LMBRD2: variants seen among roughly 807,000 people sequenced by gnomAD.
The protein encoded by LMBRD2 is G protein-coupled receptor-associated protein LMBRD2.
A neutral mutation model predicts 94.4 loss-of-function variants in LMBRD2; 55 were observed. That is an observed-to-expected ratio of 0.58 (90% CI 0.47 to 0.73). LMBRD2 has a LOEUF of 0.73. Among genes scored for constraint, LMBRD2 ranks in the 30% least tolerant of loss-of-function variants. LMBRD2 has a pLI of 0.00. For synonymous variants in LMBRD2, 246 were observed against 272.4 expected, an observed-to-expected ratio of 0.90 and a Z score of 0.95; for missense variants, 640 against 831.9, an observed-to-expected ratio of 0.77 and a Z score of 2.84.
intron 1 of LMBRD2, among the ~76,000 whole-genome samples, chr5:36,145,671 A>G (rs1020843770): frequency 6.6e-6 from 1 of 152,232 alleles, no homozygotes; most frequent in African/African-American, 2.4e-5. Flanking sequence ...AACATAATTA[A>G]CTGAAAATCC....
chr5:36,137,555 T>A, intron 4 of LMBRD2, 114 bp from the exon 5 acceptor site: 1 of 566,894 alleles, frequency 1.8e-6, no homozygotes, highest in Non-Finnish European at 3.0e-6. Flanking sequence ...TTCTCATTAA[T>A]AAATGTTTAT....
At chr5:36,130,052 G>A (rs1352625176) in intron 6 of LMBRD2, among the ~76,000 whole-genome samples, 12 of 152,194 alleles carry the variant, frequency 7.9e-5, no homozygotes, top group East Asian at 7.7e-4. Flanking sequence ...TGGCGGGAGC[G>A]GGGAGGGATA....
intron 6 of LMBRD2, among the ~76,000 whole-genome samples, chr5:36,128,197 T>C (rs576506342): frequency 6.6e-6 from 1 of 152,340 alleles, no homozygotes; most frequent in South Asian, 2.1e-4. Flanking sequence ...CACAGCATTA[T>C]AGGGCTTGGG....
At chr5:36,111,366 T>C (rs191312386) in intron 13 of LMBRD2, 108 bp from the exon 14 acceptor site, 2 of 760,770 alleles carry the variant, frequency 2.6e-6, no homozygotes, top group East Asian at 2.7e-5. Context: ...TGCTTCATTA[T>C]CTGTTATCAT....
rs955604206 is a variant in LMBRD2 at position 36,099,105 on chromosome 5, A to G, written c.*4941T>C. On this transcript the variant is annotated 3_prime_UTR_variant, in exon 18 of 18. Transcript: ENST00000296603. ...ATTTGCTTGTGTATTGGTATATATA[A>G]AAATCACTGACGGGATCTAGGAGTA... is the stretch of plus-strand genomic sequence containing the variant. 3.9e-5 allele frequency: 6 copies of G among 152,096 alleles called. No homozygotes were observed. Among genetic ancestry groups the G allele is most frequent in the African/African-American group, 1.4e-4 (6 of 41,450 alleles). The allele number at this position is 152,096 out of a possible 1,614,324, so 9.4% of individuals were successfully genotyped here.
chr5:36,100,597 T>TA lies in LMBRD2; in HGVS notation c.*3448dup, dbSNP rs960953979. The TA allele has an allele frequency of 5.9e-5, 9 of 152,080 alleles. No homozygotes were observed. Among genetic ancestry groups the TA allele is most frequent in the Non-Finnish European group, 1.0e-4 (7 of 67,986 alleles). 9.4% of individuals were successfully genotyped at this position (152,080 alleles called of 1,614,324 possible). On this transcript the variant is annotated 3_prime_UTR_variant, in exon 18 of 18. Transcript: ENST00000296603. ...AGAAAGACAAAACCCTAAATCCACT[T>TA]ACTTCTTAACATTTAGAATTCAATA...
At chr5:36,119,936 A>G (rs948891866) in intron 9 of LMBRD2, among the ~76,000 whole-genome samples, 2 of 152,160 alleles carry the variant, frequency 1.3e-5, no homozygotes, top group Non-Finnish European at 2.9e-5. Flanking sequence ...TCTACTAGTC[A>G]TGAACATTGT....
chr5:36,125,386 C>A (rs1007265011), intron 6 of LMBRD2, among the ~76,000 whole-genome samples: 10 of 151,970 alleles, frequency 6.6e-5, no homozygotes, highest in Admixed American at 1.3e-4. Flanking sequence ...AGCACATAGA[C>A]AAAATTGCGA....
rs1384123898 is a variant in LMBRD2 at position 36,143,332 on chromosome 5, C to T, written c.18G>A (p.Leu6=). 1 of 1,613,190 alleles carries T rather than the reference C, an allele frequency of 6.2e-7. No individual in the cohort carries two copies. Among genetic ancestry groups the T allele is most frequent in the South Asian group, 1.1e-5 (1 of 90,998 alleles). MSGAA[L]GLEIVFVFFL... is the part of the protein sequence containing the mutation. ...AAAAGACAAAAACAATCTCAAGTCC[C>T]AAAGCTGCACCACTCATTATTGAAT... is the stretch of plus-strand genomic sequence containing the variant. The change falls in exon 2 of 18, where the codon TTG becomes TTA. Residue 6 remains leucine (L), a synonymous_variant. Coordinates refer to ENST00000296603, the MANE Select transcript of LMBRD2 (RefSeq NM_001007527.2).
At chr5:36,142,021 T>C (rs1336284717) in intron 3 of LMBRD2, among the ~76,000 whole-genome samples, 1 of 152,216 alleles carries the variant, frequency 6.6e-6, no homozygotes, top group African/African-American at 2.4e-5. Context: ...ATGAATTCAA[T>C]ATAATCTTTG....
At position 36,137,393 on chromosome 5, in the gene LMBRD2, G is replaced by A. The variant is rs1744297180; in HGVS notation, c.417C>T (p.Ser139=). The A allele has an allele frequency of 6.3e-7, 1 of 1,598,580 alleles. No individual in the cohort carries two copies. The highest frequency in any genetic ancestry group is 2.2e-5 in the East Asian group (1 of 44,680). Residue 139 remains serine, a synonymous_variant, in exon 5 of 18, where the codon TCC becomes TCT. Coordinates refer to ENST00000296603, the MANE Select transcript of LMBRD2 (RefSeq NM_001007527.2). ...MQSYARSGGF[S]ITGKIKTALI... ...GTGCAGTTTTGATCTTTCCAGTGATGGAAAACCCTCCTGATCTTGCATATG... is the reference window on the plus strand; with the variant it reads ...GTGCAGTTTTGATCTTTCCAGTGATAGAAAACCCTCCTGATCTTGCATATG...
chr5:36,147,822 A>T, intron 1 of LMBRD2: 1 of 390,338 alleles, frequency 2.6e-6, no homozygotes, highest in East Asian at 1.1e-4. Context: ...ATGGGTACCA[A>T]GTGATCAGAA....
At chr5:36,104,918 AT>A (rs1217056349) in intron 17 of LMBRD2, 149 bp downstream of exon 17, 4 of 701,236 alleles carry the variant, frequency 5.7e-6, no homozygotes, top group Non-Finnish European at 6.8e-6. Flanking sequence ...TACTTAATAT[AT>A]TTTTTATTGT....
intron 14 of LMBRD2, 115 bp downstream of exon 14, chr5:36,111,040 A>T: frequency 6.1e-6 from 4 of 654,436 alleles, no homozygotes; most frequent in Non-Finnish European, 1.0e-5. Flanking sequence ...GCATTAATTC[A>T]TAATTTCTTA....
chr5:36,126,779 A>C (rs2111881655), intron 6 of LMBRD2, among the ~76,000 whole-genome samples: 1 of 152,024 alleles, frequency 6.6e-6, no homozygotes, highest in Non-Finnish European at 1.5e-5. Flanking sequence ...TACATTTGGG[A>C]GATTAAATGG....
chr5:36,137,411 T>C lies in LMBRD2; in HGVS notation c.399A>G (p.Ala133=). ...WILLPFMQSY[A]RSGGFSITGK... The stretch of plus-strand genomic sequence containing the variant: ...CAGTGATGGAAAACCCTCCTGATCT[T>C]GCATATGACTGCATAAAAGGTAAGA... The change falls in exon 5 of 18, where the codon GCA becomes GCG. Residue 133 remains alanine, a synonymous_variant. Coordinates refer to ENST00000296603, the MANE Select transcript of LMBRD2 (RefSeq NM_001007527.2). 1 of 1,582,766 alleles carries C rather than the reference T, an allele frequency of 6.3e-7. No homozygotes were observed. Among genetic ancestry groups the C allele is most frequent in the Non-Finnish European group, 8.6e-7 (1 of 1,160,748 alleles).
chr5:36,114,164 C>T (rs1418099081), intron 13 of LMBRD2, among the ~76,000 whole-genome samples: 2 of 152,124 alleles, frequency 1.3e-5, no homozygotes, highest in Non-Finnish European at 2.9e-5. Flanking sequence ...TTAATCCTAT[C>T]ATTTTTTAGC....
At position 36,141,138 on chromosome 5, in the gene LMBRD2, C is replaced by A; in HGVS notation, c.337G>T (p.Val113Leu). 6.2e-7 allele frequency: 1 copy of A among 1,608,838 alleles called. No individual in the cohort carries two copies. The highest frequency in any genetic ancestry group is 2.2e-5 in the East Asian group (1 of 44,724). ...PDGIMPIFWR[V>L]VYWTSQFLTW... is the part of the protein sequence containing the mutation. ...AAAAATTGTGACGTCCAATACACTA[C>A]CCTCCAGAAAATTGGCATGATTCCA... is the stretch of plus-strand genomic sequence containing the variant. Residue 113 changes from valine (V) to leucine (L), a missense_variant, in exon 4 of 18, where the codon GTA becomes TTA. Physicochemically the swap from Val to Leu is conservative, Grantham distance 32. Around this residue, in one of 2 missense-constraint regions of LMBRD2, gnomAD observed 457 missense variants for 642.8 expected, o/e 0.71. Transcript: ENST00000296603.
At chr5:36,143,981 C>G (rs1199430053) in intron 1 of LMBRD2, among the ~76,000 whole-genome samples, 1 of 151,912 alleles carries the variant, frequency 6.6e-6, no homozygotes, top group Non-Finnish European at 1.5e-5. Flanking sequence ...TTCTTACTCA[C>G]TGCTTTACAA....
Sources: allele counts gnomAD v4.1 joint callset (sites outside exome capture counted in the v4.1 genomes callset), GRCh38; gene constraint gnomAD v4.1.1; regional missense constraint gnomAD v4.1.1; transcripts MANE v1.5; gene names NCBI Gene and HGNC (gene_info 2026-07-23, HGNC 2026-07-21).